Variants in GRIK1 observed in about 807,000 individuals in gnomAD.
GRIK1 encodes glutamate receptor ionotropic, kainate 1.
A neutral mutation model predicts 105.7 loss-of-function variants in GRIK1; 69 were observed. That is an observed-to-expected ratio of 0.65 (90% CI 0.54 to 0.80). The LOEUF is 0.80. Ranked by LOEUF, GRIK1 falls within the 30% of genes least tolerant of loss-of-function variation. GRIK1 has a pLI of 0.00. For synonymous variants in GRIK1, 438 were observed against 431.3 expected, an observed-to-expected ratio of 1.02 and a Z score of -0.19; for missense variants, 1,109 against 1,167.3, an observed-to-expected ratio of 0.95 and a Z score of 0.73.
At chr21:29,651,820 G>C (rs2062744688) in intron 5 of GRIK1, among the ~76,000 whole-genome samples, 1 of 151,206 alleles carries the variant, frequency 6.6e-6, no homozygotes, top group Non-Finnish European at 1.5e-5. Flanking sequence ...ATCTATTGGA[G>C]GTCTCAGAAC....
chr21:29,642,832 G>T lies in GRIK1; in HGVS notation c.1092C>A (p.Ile364=), dbSNP rs903562018. The part of the protein sequence containing the change: ...WRLGPRFMNL[I]KEARWDGLTG... ...GTGAGGGAGCATCACTTGCCTCTTT[G>T]ATCAGGTTCATAAATCTGGGTCCGA... The change falls in exon 7 of 18, where the codon ATC becomes ATA. Residue 364 remains isoleucine, a synonymous_variant. Transcript: ENST00000327783. 7 of 1,613,864 alleles carry T rather than the reference G, an allele frequency of 4.3e-6. No homozygotes were observed. Among genetic ancestry groups the T allele is most frequent in the Non-Finnish European group, 5.1e-6 (6 of 1,179,870 alleles).
At chr21:29,639,161 T>A (rs1362037132) in intron 7 of GRIK1, among the ~76,000 whole-genome samples, 1 of 152,226 alleles carries the variant, frequency 6.6e-6, no homozygotes, top group Non-Finnish European at 1.5e-5. Flanking sequence ...ATGAACACAG[T>A]GTGTCCTGAA....
intron 1 of GRIK1, among the ~76,000 whole-genome samples, chr21:29,773,019 G>T (rs62211991): frequency 2.9e-3 from 449 of 152,282 alleles, no homozygotes; most frequent in Non-Finnish European, 5.3e-3. Flanking sequence ...GATGATGATG[G>T]TGGTGATGTT....
chr21:29,861,541 C>G lies in GRIK1; in HGVS notation c.118+77842G>C. 7.9e-6 allele frequency: 2 copies of G among 254,126 alleles called. 1 individual carries two copies. The highest frequency in any genetic ancestry group is 7.6e-5 in the South Asian group (2 of 26,208). 15.7% of individuals were successfully genotyped at this position (254,126 alleles called of 1,614,324 possible). ...CAGGCTGGTCTCAAACTCCCGGACT[C>G]AAGCGATCTGCCCTCTTCGGCCTCC... On this transcript the variant is annotated intron_variant, in intron 1 of 17. Coordinates refer to ENST00000327783, the MANE Select transcript of GRIK1 (RefSeq NM_001330994.2).
At chr21:29,831,438 T>G (rs1352728432) in intron 1 of GRIK1, among the ~76,000 whole-genome samples, 1 of 152,244 alleles carries the variant, frequency 6.6e-6, no homozygotes, top group East Asian at 1.9e-4. Flanking sequence ...AAGAACTACC[T>G]GAGACTGGGT....
chr21:29,869,366 C>A (rs987730226), intron 1 of GRIK1, among the ~76,000 whole-genome samples: 5 of 152,192 alleles, frequency 3.3e-5, no homozygotes, highest in African/African-American at 1.2e-4. Context: ...TATTTCTGAT[C>A]TCATTTCTCC....
intron 1 of GRIK1, among the ~76,000 whole-genome samples, chr21:29,821,199 A>G (rs2067297590): frequency 6.6e-6 from 1 of 152,054 alleles, no homozygotes; most frequent in Non-Finnish European, 1.5e-5. Flanking sequence ...TAGATACTGT[A>G]TTCTTTCAAT....
At position 29,613,392 on chromosome 21, in the gene GRIK1, G is replaced by A. The variant is rs536861897; in HGVS notation, c.1099-14455C>T. 7.9e-5 allele frequency among the ~76,000 whole-genome samples: 12 copies of A among 152,186 alleles called. No individual in the cohort carries two copies. In the South Asian group the frequency reaches 2.5e-3, roughly 32 times the overall value. On this transcript the variant is annotated intron_variant, in intron 7 of 17. Transcript: ENST00000327783. The stretch of plus-strand genomic sequence containing the variant: ...TCATTGGAACACTGTTTTTAAATAA[G>A]TACTTTAGTTAGCTTTAAAAAAGAA...
chr21:29,913,793 G>A (rs1447068641), intron 1 of GRIK1, among the ~76,000 whole-genome samples: 1 of 151,178 alleles, frequency 6.6e-6, no homozygotes, highest in Non-Finnish European at 1.5e-5. Context: ...GTTTTTCTTG[G>A]TTTTTCATAT....
intron 1 of GRIK1, among the ~76,000 whole-genome samples, chr21:29,933,575 G>C (rs530919174): frequency 6.6e-5 from 10 of 152,152 alleles, no homozygotes; most frequent in South Asian, 2.1e-4. Flanking sequence ...TGCTCAAATA[G>C]GTAATTGTGG....
chr21:29,763,612 A>T (rs2065583572), intron 1 of GRIK1: 1 of 152,310 alleles, frequency 6.6e-6, no homozygotes, highest in Non-Finnish European at 1.5e-5. Context: ...GACTCTGATG[A>T]TAGAACAAGA....
intron 1 of GRIK1, among the ~76,000 whole-genome samples, chr21:29,750,146 G>A (rs570038063): frequency 2.6e-4 from 40 of 151,510 alleles, no homozygotes; most frequent in African/African-American, 9.2e-4. Flanking sequence ...ATCTTTTTGC[G>A]GCAATTAAAA....
intron 1 of GRIK1, among the ~76,000 whole-genome samples, chr21:29,917,564 C>A (rs1331965575): frequency 6.6e-6 from 1 of 152,026 alleles, no homozygotes; most frequent in African/African-American, 2.4e-5. Context: ...TTGAAATGTT[C>A]TCTTCTTCAA....
intron 14 of GRIK1, among the ~76,000 whole-genome samples, chr21:29,572,003 G>T (rs1231950163): frequency 1.3e-5 from 2 of 152,116 alleles, no homozygotes; most frequent in African/African-American, 4.8e-5. Context: ...GCTCAAGAGA[G>T]GTTATTGTCT....
chr21:29,684,718 G>C (rs2063455489), intron 3 of GRIK1, among the ~76,000 whole-genome samples: 1 of 152,012 alleles, frequency 6.6e-6, no homozygotes, highest in Non-Finnish European at 1.5e-5. Flanking sequence ...CACCGTGTTA[G>C]CCAGGATGGT....
intron 1 of GRIK1, among the ~76,000 whole-genome samples, chr21:29,788,792 C>T (rs1395009810): frequency 1.3e-5 from 2 of 152,168 alleles, no homozygotes; most frequent in African/African-American, 4.8e-5. Context: ...TTACAGGAGC[C>T]TGTAGCCTAG....
At chr21:29,752,372 A>C (rs544528441) in intron 1 of GRIK1, among the ~76,000 whole-genome samples, 1 of 152,332 alleles carries the variant, frequency 6.6e-6, no homozygotes, top group Admixed American at 6.5e-5. Flanking sequence ...GAGGTCTTAC[A>C]AAAAATTGTA....
At position 29,588,962 on chromosome 21, in the gene GRIK1, C is replaced by T; in HGVS notation, c.1446G>A (p.Leu482=). 1.2e-6 allele frequency: 2 copies of T among 1,601,544 alleles called. No homozygotes were observed. The highest frequency in any genetic ancestry group is 2.7e-5 in the African/African-American group (2 of 74,752). ...CCAGGATGTTTGACAATTCTTTCAA[C>T]AGGTCTAGGCAATATCCTTCAAATC... The part of the protein sequence containing the change: ...NDRFEGYCLD[L]LKELSNILGF... Residue 482 remains leucine, a synonymous_variant, in exon 11 of 18, where the codon CTG becomes CTA. Transcript: ENST00000327783.
At chr21:29,778,047 C>T (rs1467771578) in intron 1 of GRIK1, among the ~76,000 whole-genome samples, 1 of 152,098 alleles carries the variant, frequency 6.6e-6, no homozygotes, top group Admixed American at 6.6e-5. Flanking sequence ...AGAATAAAAA[C>T]GTATCTGAAT....
Sources: gnomAD v4.1 joint callset for allele counts (sites outside exome capture counted in the v4.1 genomes callset) on GRCh38, gnomAD v4.1.1 for gene constraint, MANE v1.5 for transcripts, NCBI Gene and HGNC (gene_info 2026-07-23, HGNC 2026-07-21) for gene names.